ABHD3: variants seen among roughly 807,000 people sequenced by gnomAD.
The protein encoded by ABHD3 is abhydrolase domain containing 3, phospholipase, also known as phospholipase ABHD3.
In ABHD3, 46 loss-of-function variants were observed where a neutral mutation model predicts 48.8. That is an observed-to-expected ratio of 0.94 (90% CI 0.74 to 1.20). ABHD3 has a LOEUF of 1.20. Ranked by LOEUF, ABHD3 falls within the 50% of genes most tolerant of loss-of-function variation. The pLI is 0.00. For missense variants in ABHD3, 490 were observed against 497.8 expected (o/e 0.98, Z 0.15); for synonymous variants, 192 against 183.7 (o/e 1.04, Z -0.36).
rs187384105 is a variant in ABHD3 at position 21,652,558 on chromosome 18, C to T, written c.1058-795G>A. On this transcript the variant is annotated intron_variant, in intron 8 of 8. Coordinates refer to ENST00000289119, the MANE Select transcript of ABHD3 (RefSeq NM_138340.5). Reference sequence around the variant, plus strand: ...TTGGGAAGTTGAGGCAGGTGGATCACGAGGTCAAGAGATCGAGACCATCCT... The same window carrying T: ...TTGGGAAGTTGAGGCAGGTGGATCATGAGGTCAAGAGATCGAGACCATCCT... Among the ~76,000 whole-genome samples, 105 of 152,066 alleles carry T rather than the reference C, an allele frequency of 6.9e-4. 1 individual carries two copies. In the East Asian group the frequency reaches 0.018, roughly 26 times the overall value.
intron 3 of ABHD3, among the ~76,000 whole-genome samples, chr18:21,686,951 T>C (rs2040141335): frequency 6.6e-6 from 1 of 152,208 alleles, no homozygotes; most frequent in Non-Finnish European, 1.5e-5. Context: ...AAGGTCTCAC[T>C]GTTGCCCAGG....
chr18:21,699,948 G>T (rs1321412389), intron 3 of ABHD3, among the ~76,000 whole-genome samples: 2 of 152,104 alleles, frequency 1.3e-5, no homozygotes, highest in East Asian at 1.9e-4. Flanking sequence ...TGAGTGCTGG[G>T]ATTACAGCTG....
intron 3 of ABHD3, among the ~76,000 whole-genome samples, chr18:21,692,808 G>A (rs4800884): frequency 0.19 from 28,738 of 151,976 alleles, 3,348 homozygotes; most frequent in East Asian, 0.43. Context: ...GTGTCTCTTT[G>A]GTATTTTTGC....
At chr18:21,689,752 C>A (rs983164502) in intron 3 of ABHD3, among the ~76,000 whole-genome samples, 7 of 146,940 alleles carry the variant, frequency 4.8e-5, no homozygotes, top group Non-Finnish European at 1.1e-4. Flanking sequence ...ATATGTGAAA[C>A]ACACTACAAG....
intron 3 of ABHD3, among the ~76,000 whole-genome samples, chr18:21,696,304 C>A (rs971180326): frequency 6.6e-6 from 1 of 151,964 alleles, no homozygotes; most frequent in South Asian, 2.1e-4. Context: ...CCAACACGCC[C>A]GGCTAGTTTT....
At chr18:21,657,884 T>C (rs1273393246) in intron 6 of ABHD3, among the ~76,000 whole-genome samples, 1 of 151,538 alleles carries the variant, frequency 6.6e-6, no homozygotes, top group East Asian at 1.9e-4. Context: ...ATAAAAAAAA[T>C]TAAAGAAAGA....
chr18:21,696,225 G>C (rs1444593797), intron 3 of ABHD3, among the ~76,000 whole-genome samples: 1 of 150,510 alleles, frequency 6.6e-6, no homozygotes, highest in Admixed American at 6.6e-5. Context: ...CTCACTGCAA[G>C]CTCTGCCTCC....
chr18:21,698,402 G>T (rs1474695245), intron 3 of ABHD3, among the ~76,000 whole-genome samples: 2 of 151,858 alleles, frequency 1.3e-5, no homozygotes, highest in African/African-American at 2.4e-5. Context: ...GGCCAGGCTG[G>T]TCTTCAACTC....
At chr18:21,669,668 T>A (rs1340293522) in intron 4 of ABHD3, among the ~76,000 whole-genome samples, 1 of 152,156 alleles carries the variant, frequency 6.6e-6, no homozygotes, top group Non-Finnish European at 1.5e-5. Context: ...CCCATTTTCC[T>A]CTTCATGAAA....
At position 21,664,168 on chromosome 18, in the gene ABHD3, G is replaced by A. The variant is rs760512536; in HGVS notation, c.618C>T (p.His206=). 2.5e-6 allele frequency: 4 copies of A among 1,614,104 alleles called. No individual in the cohort carries two copies. The highest frequency in any genetic ancestry group is 1.7e-5 in the Admixed American group (1 of 60,000). The change falls in exon 5 of 9, where the codon CAC becomes CAT. Residue 206 remains histidine, a synonymous_variant. Coordinates refer to ENST00000289119, the MANE Select transcript of ABHD3 (RefSeq NM_138340.5). ...GGAAAGGAGCAGAAGGGTACAGGCT[G>A]TGTACATGGTGAATAACTGTCTCCA... ...EDLETVIHHV[H]SLYPSAPFLA...
intron 3 of ABHD3, among the ~76,000 whole-genome samples, chr18:21,691,911 T>A (rs1187976455): frequency 6.6e-6 from 1 of 152,214 alleles, no homozygotes; most frequent in African/African-American, 2.4e-5. Context: ...TCAAAAAGCC[T>A]CACAGAAATC....
intron 4 of ABHD3, among the ~76,000 whole-genome samples, chr18:21,672,202 A>G (rs529720948): frequency 7.2e-5 from 11 of 152,274 alleles, no homozygotes; most frequent in Admixed American, 3.3e-4. Flanking sequence ...TTAAAAAAAC[A>G]ATTTTTGACC....
At chr18:21,668,911 G>C (rs1200030650) in intron 4 of ABHD3, among the ~76,000 whole-genome samples, 1 of 152,048 alleles carries the variant, frequency 6.6e-6, no homozygotes, top group Non-Finnish European at 1.5e-5. Context: ...CACTGCAATA[G>C]ACACTTAAAA....
At chr18:21,657,862 C>T (rs2039394537) in intron 6 of ABHD3, among the ~76,000 whole-genome samples, 2 of 152,048 alleles carry the variant, frequency 1.3e-5, no homozygotes, top group South Asian at 4.1e-4. Flanking sequence ...TATGTACCCA[C>T]AGAAATTAAA....
At chr18:21,659,558 AT>A (rs2039435792) in intron 5 of ABHD3, among the ~76,000 whole-genome samples, 1 of 152,184 alleles carries the variant, frequency 6.6e-6, no homozygotes, top group Non-Finnish European at 1.5e-5. Flanking sequence ...AATGGGACAA[AT>A]CATAGTTATT....
At chr18:21,699,490 A>T (rs948809617) in intron 3 of ABHD3, among the ~76,000 whole-genome samples, 1 of 152,166 alleles carries the variant, frequency 6.6e-6, no homozygotes, top group Admixed American at 6.5e-5. Flanking sequence ...TTTTATTCTT[A>T]GTGGTCTTTA....
At chr18:21,691,036 A>C (rs1179461830) in intron 3 of ABHD3, among the ~76,000 whole-genome samples, 1 of 151,558 alleles carries the variant, frequency 6.6e-6, no homozygotes, top group South Asian at 2.1e-4. Context: ...ATCTAACTAC[A>C]TGCTATCTAC....
intron 1 of ABHD3, 78 bp from the exon 2 acceptor site, chr18:21,703,825 T>C (rs914000667): frequency 4.0e-6 from 6 of 1,515,700 alleles, no homozygotes; most frequent in Non-Finnish European, 4.5e-6. Context: ...GGCAAAGACT[T>C]GTCGCTCGCG....
rs1047065667 is a variant in ABHD3 at position 21,704,392 on chromosome 18, C to A, written c.162+112G>T. 9 of 1,130,252 alleles carry A rather than the reference C, an allele frequency of 8.0e-6. No individual in the cohort carries two copies. In the Admixed American group the frequency reaches 1.3e-4, roughly 17 times the overall value. The allele number at this position is 1,130,252 out of a possible 1,614,324, so 70.0% of individuals were successfully genotyped here. ...TGGGGGCTGCCGCTCGGGAGCAGCTCGCCGCCTATCCCCGGGGCTGCCGAC... is the reference window on the plus strand; with the variant it reads ...TGGGGGCTGCCGCTCGGGAGCAGCTAGCCGCCTATCCCCGGGGCTGCCGAC... On this transcript the variant is annotated intron_variant, in intron 1 of 8. Coordinates refer to ENST00000289119, the MANE Select transcript of ABHD3 (RefSeq NM_138340.5).
Sources: allele counts gnomAD v4.1 joint callset (sites outside exome capture counted in the v4.1 genomes callset), GRCh38; gene constraint gnomAD v4.1.1; transcripts MANE v1.5; gene names NCBI Gene and HGNC (gene_info 2026-07-23, HGNC 2026-07-21).